PACRG: variants seen among roughly 807,000 people sequenced by gnomAD.
The protein encoded by PACRG is parkin coregulated.
A neutral mutation model predicts 29.7 loss-of-function variants in PACRG; 29 were observed. That is an observed-to-expected ratio of 0.98 (90% confidence interval 0.73 to 1.33). PACRG has a LOEUF of 1.33. PACRG is among the 40% of genes most tolerant of loss of function. The probability of loss-of-function intolerance (pLI) is 0.00; values close to 1 mark genes in which losing one functional copy is unlikely to be tolerated. For missense variants in PACRG, 279 were observed against 316.2 expected (o/e 0.88, Z 0.89); for synonymous variants, 116 against 118.7 (o/e 0.98, Z 0.15).
chr6:162,916,364 G>A (rs1796694933), intron 2 of PACRG, among the ~76,000 whole-genome samples: 1 of 152,064 alleles, frequency 6.6e-6, no homozygotes, highest in Non-Finnish European at 1.5e-5. Context: ...GTTTGGTCAT[G>A]GTTTCTTTGA....
chr6:162,828,776 G>T (rs1044262004), intron 2 of PACRG, among the ~76,000 whole-genome samples: 1 of 152,052 alleles, frequency 6.6e-6, no homozygotes. Context: ...TTAATAATTT[G>T]CCCTGTTTAA....
At chr6:162,745,311 A>G (rs1780901444) in intron 1 of PACRG, among the ~76,000 whole-genome samples, 2 of 151,704 alleles carry the variant, frequency 1.3e-5, no homozygotes, top group South Asian at 4.2e-4. Context: ...GCATGTTCTC[A>G]CTCATAAGTG....
At chr6:163,158,110 G>T (rs1778396290) in intron 4 of PACRG, among the ~76,000 whole-genome samples, 1 of 152,168 alleles carries the variant, frequency 6.6e-6, no homozygotes, top group Non-Finnish European at 1.5e-5. Context: ...AATGGGAAAT[G>T]CTCCCAAATT....
At chr6:163,290,367 C>A (rs985501405) in intron 4 of PACRG, among the ~76,000 whole-genome samples, 3 of 151,650 alleles carry the variant, frequency 2.0e-5, no homozygotes, top group Admixed American at 6.6e-5. Context: ...GGGTTACATT[C>A]ATAACCTATT....
intron 2 of PACRG, among the ~76,000 whole-genome samples, chr6:162,900,773 T>C (rs1795504932): frequency 6.6e-6 from 1 of 152,214 alleles, no homozygotes; most frequent in African/African-American, 2.4e-5. Flanking sequence ...GCCTTTCCTG[T>C]GGCTGGCTCC....
intron 1 of PACRG, among the ~76,000 whole-genome samples, chr6:162,774,615 C>A (rs1266044470): frequency 4.6e-5 from 7 of 152,166 alleles, no homozygotes; most frequent in Admixed American, 3.3e-4. Context: ...TACATCTTCT[C>A]TGTTGCCATT....
chr6:162,934,699 T>C (rs1215779456), intron 2 of PACRG, among the ~76,000 whole-genome samples: 1 of 152,198 alleles, frequency 6.6e-6, no homozygotes, highest in Non-Finnish European at 1.5e-5. Flanking sequence ...GTCTTGTGGT[T>C]TTCTGTAGTG....
chr6:162,904,639 C>T (rs1287460974), intron 2 of PACRG, among the ~76,000 whole-genome samples: 2 of 152,158 alleles, frequency 1.3e-5, no homozygotes, highest in East Asian at 1.9e-4. Context: ...TGTTAAATGA[C>T]GTTCAGAAAT....
intron 2 of PACRG, among the ~76,000 whole-genome samples, chr6:162,814,689 A>G (rs1787177665): frequency 6.6e-6 from 1 of 152,132 alleles, no homozygotes; most frequent in East Asian, 1.9e-4. Context: ...ACCTAAATGG[A>G]TAGGTCAAGA....
chr6:163,156,236 A>C (rs925078725), intron 4 of PACRG, among the ~76,000 whole-genome samples: 1 of 152,190 alleles, frequency 6.6e-6, no homozygotes, highest in Admixed American at 6.5e-5. Context: ...AGTTTGCCTG[A>C]GCCACAGACG....
intron 2 of PACRG, among the ~76,000 whole-genome samples, chr6:162,947,619 T>TATATAAAC (rs539689741): frequency 2.1e-5 from 1 of 47,314 alleles, no homozygotes; most frequent in Non-Finnish European, 4.0e-5. Flanking sequence ...ATCATATATA[T>TATATAAAC]ATATATATAT....
intron 2 of PACRG, among the ~76,000 whole-genome samples, chr6:162,953,546 G>A (rs1173120854): frequency 6.6e-6 from 1 of 152,006 alleles, no homozygotes; most frequent in African/African-American, 2.4e-5. Context: ...TTCCAAAAAT[G>A]TTAGGGTTCA....
intron 4 of PACRG, among the ~76,000 whole-genome samples, chr6:163,107,557 C>T (rs1294815086): frequency 1.3e-5 from 2 of 152,190 alleles, no homozygotes; most frequent in South Asian, 4.1e-4. Flanking sequence ...TTAACTAATA[C>T]AATTTCAATA....
chr6:163,087,076 G>A (rs1449462806), intron 3 of PACRG, among the ~76,000 whole-genome samples: 1 of 152,126 alleles, frequency 6.6e-6, no homozygotes, highest in Non-Finnish European at 1.5e-5. Context: ...TGAAAGACAG[G>A]TTGGGGAAGT....
intron 4 of PACRG, among the ~76,000 whole-genome samples, chr6:163,268,172 G>A (rs974404034): frequency 5.3e-5 from 8 of 152,136 alleles, no homozygotes; most frequent in Admixed American, 2.6e-4. Context: ...AGGCCGAGGC[G>A]GGTGGATCAC....
chr6:163,179,066 A>G, intron 4 of PACRG: 1 of 287,702 alleles, frequency 3.5e-6, no homozygotes, highest in Non-Finnish European at 7.3e-6. Context: ...AGTCACTGAT[A>G]TTTACCACAC....
chr6:162,933,477 C>T (rs911681361), intron 2 of PACRG, among the ~76,000 whole-genome samples: 1 of 151,602 alleles, frequency 6.6e-6, no homozygotes, highest in African/African-American at 2.4e-5. Context: ...GTTTATCTGT[C>T]TCTCTTTAGC....
At chr6:162,987,756 G>A (rs1227848261) in intron 2 of PACRG, among the ~76,000 whole-genome samples, 1 of 152,204 alleles carries the variant, frequency 6.6e-6, no homozygotes, top group African/African-American at 2.4e-5. Context: ...CTCTGGTGGA[G>A]GTGGCAGGGG....
chr6:162,984,025 A>T (rs918642635), intron 2 of PACRG, among the ~76,000 whole-genome samples: 9 of 150,630 alleles, frequency 6.0e-5, no homozygotes, highest in South Asian at 4.2e-4. Flanking sequence ...TTCTTTAAAA[A>T]TTTTTTTTAT....
Sources: allele counts gnomAD v4.1 joint callset (sites outside exome capture counted in the v4.1 genomes callset), GRCh38; gene constraint gnomAD v4.1.1; transcripts MANE v1.5; gene names NCBI Gene and HGNC (gene_info 2026-07-23, HGNC 2026-07-21).